The following GRHL2 variants were observed in gnomAD, a reference collection of about 807,000 sequenced individuals.
The protein encoded by GRHL2 is grainyhead like transcription factor 2, also known as grainyhead-like protein 2 homolog.
A neutral mutation model predicts 83.8 loss-of-function variants in GRHL2; 21 were observed. The ratio of observed to expected loss-of-function variants is 0.25; its 90% CI spans 0.18 to 0.36. The LOEUF is 0.36. Among genes scored for constraint, GRHL2 ranks in the 10% least tolerant of loss-of-function variants. The probability of loss-of-function intolerance (pLI) is 1.00; values close to 1 mark genes in which losing one functional copy is unlikely to be tolerated. For synonymous variants in GRHL2, 280 were observed against 278.9 expected, an observed-to-expected ratio of 1.00 and a Z score of -0.04; for missense variants, 623 against 781.8, an observed-to-expected ratio of 0.80 and a Z score of 2.42.
intron 1 of GRHL2, among the ~76,000 whole-genome samples, chr8:101,516,019 G>A (rs1290946674): frequency 6.6e-6 from 1 of 152,168 alleles, no homozygotes; most frequent in Non-Finnish European, 1.5e-5. Flanking sequence ...AGGCAGCAGA[G>A]ATGGAACTTG....
chr8:101,616,088 CTCTTTCTTTCT>C (rs1812849812), intron 8 of GRHL2, among the ~76,000 whole-genome samples: 2 of 139,396 alleles, frequency 1.4e-5, no homozygotes, highest in African/African-American at 5.2e-5. Flanking sequence ...CCCTCCCTTT[CTCTTTCTTTCT>C]TCTTTCTTTC....
chr8:101,580,056 T>C (rs936649838), intron 7 of GRHL2, among the ~76,000 whole-genome samples: 30 of 152,198 alleles, frequency 2.0e-4, no homozygotes, highest in Admixed American at 7.2e-4. Context: ...AATTCCCAAA[T>C]CTCCACCAGC....
intron 4 of GRHL2, among the ~76,000 whole-genome samples, chr8:101,568,819 G>A (rs1811767592): frequency 6.6e-6 from 1 of 152,084 alleles, no homozygotes; most frequent in African/African-American, 2.4e-5. Context: ...AATTATTTGG[G>A]CAATGTTCCT....
At chr8:101,565,554 A>G (rs1811700366) in intron 4 of GRHL2, among the ~76,000 whole-genome samples, 2 of 152,114 alleles carry the variant, frequency 1.3e-5, no homozygotes, top group African/African-American at 2.4e-5. Context: ...TATCATCTCT[A>G]TGTGTGGTTT....
At chr8:101,564,812 C>CAAAAA (rs3035637) in intron 4 of GRHL2, among the ~76,000 whole-genome samples, 2 of 109,758 alleles carry the variant, frequency 1.8e-5, no homozygotes, top group African/African-American at 7.2e-5. Flanking sequence ...GCCCTGTCTC[C>CAAAAA]AAAAAAAAAA....
intron 12 of GRHL2, among the ~76,000 whole-genome samples, chr8:101,641,587 C>T (rs750865815): frequency 6.6e-6 from 1 of 152,136 alleles, no homozygotes; most frequent in Non-Finnish European, 1.5e-5. Flanking sequence ...CTTAGCACTA[C>T]CTTTATACCT....
chr8:101,571,691 A>G (rs1811828291), intron 5 of GRHL2, among the ~76,000 whole-genome samples: 1 of 152,068 alleles, frequency 6.6e-6, no homozygotes, highest in African/African-American at 2.4e-5. Flanking sequence ...GCTTTTACAC[A>G]TATGGCCCTT....
intron 1 of GRHL2, among the ~76,000 whole-genome samples, chr8:101,537,899 T>C (rs1357570813): frequency 1.3e-5 from 2 of 152,250 alleles, no homozygotes; most frequent in Admixed American, 6.5e-5. Context: ...TTTTTTCCTT[T>C]GTTATTTTCT....
At chr8:101,673,651 G>T (rs1415631398), downstream of GRHL2, among the ~76,000 whole-genome samples, 1 of 151,868 alleles carries the variant, frequency 6.6e-6, no homozygotes, top group Non-Finnish European at 1.5e-5. Flanking sequence ...AGATCAACAA[G>T]ACAGAAAGTT....
At chr8:101,560,785 C>G (rs1310496531) in intron 4 of GRHL2, among the ~76,000 whole-genome samples, 1 of 151,950 alleles carries the variant, frequency 6.6e-6, no homozygotes, top group Non-Finnish European at 1.5e-5. Flanking sequence ...CTTATTTGGC[C>G]CTTCCTATAA....
At chr8:101,592,100 C>CTT (rs11382067) in intron 7 of GRHL2, among the ~76,000 whole-genome samples, 4,043 of 90,166 alleles carry the variant, frequency 0.045, 339 homozygotes, top group South Asian at 0.097. Flanking sequence ...TCTTTCTTTT[C>CTT]TTTTTTTTTT....
intron 7 of GRHL2, among the ~76,000 whole-genome samples, chr8:101,589,617 C>T (rs371936238): frequency 1.3e-5 from 2 of 152,284 alleles, no homozygotes; most frequent in African/African-American, 4.8e-5. Flanking sequence ...TATATAATTC[C>T]TTCTCCACAA....
chr8:101,602,563 C>CT (rs1209763958), intron 8 of GRHL2, among the ~76,000 whole-genome samples: 1 of 151,982 alleles, frequency 6.6e-6, no homozygotes, highest in Admixed American at 6.6e-5. Context: ...AGAATTTTAA[C>CT]TTTTTTTTGC....
rs547392915 is a variant in GRHL2 at position 101,585,124 on chromosome 8, A to T, written c.1003+7605A>T. ...TCACGTAGTGTGAATTTGTGGCCCA[A>T]ACAGGCCTGGGAGACAAGAGCACCA... On this transcript the variant is annotated intron_variant, in intron 7 of 15. Transcript: ENST00000646743. 3.3e-5 allele frequency among the ~76,000 whole-genome samples: 5 copies of T among 152,340 alleles called. No homozygotes were observed. In the East Asian group the frequency reaches 9.6e-4, roughly 29 times the overall value.
chr8:101,503,206 T>C (rs1477333647), intron 1 of GRHL2, among the ~76,000 whole-genome samples: 1 of 152,234 alleles, frequency 6.6e-6, no homozygotes, highest in African/African-American at 2.4e-5. Flanking sequence ...ATGTTTCCTC[T>C]GCAAACTAGG....
Position 101,573,768 on chromosome 8 carries a change from A to G in GRHL2, c.835A>G (p.Thr279Ala). The change falls in exon 6 of 16, where the codon ACA becomes GCA. Residue 279 changes from threonine to alanine, a missense_variant. Physicochemically the swap from Thr to Ala is moderately conservative, Grantham distance 58. Coordinates refer to ENST00000646743, the MANE Select transcript of GRHL2 (RefSeq NM_024915.4). ...YLNKGQFYAI[T>A]LSETGDNKCF... ...CAACAAAGGACAGTTCTATGCCATA[A>G]CACTCAGCGAGACCGGAGACAACAA... The G allele has an allele frequency of 6.2e-7, 1 of 1,614,220 alleles. No homozygotes were observed.
chr8:101,499,746 C>T (rs1337492070), intron 1 of GRHL2, among the ~76,000 whole-genome samples: 4 of 152,180 alleles, frequency 2.6e-5, no homozygotes, highest in Admixed American at 2.6e-4. Context: ...TACTCTCTTC[C>T]TTTTAAAGAG....
chr8:101,655,773 G>T (rs1450762335), intron 14 of GRHL2, among the ~76,000 whole-genome samples: 1 of 152,166 alleles, frequency 6.6e-6, no homozygotes, highest in Non-Finnish European at 1.5e-5. Context: ...TTATAATTAG[G>T]TTTTAAACTG....
chr8:101,671,291 G>A (rs538904272), downstream of GRHL2, among the ~76,000 whole-genome samples: 11 of 152,166 alleles, frequency 7.2e-5, no homozygotes, highest in African/African-American at 1.4e-4. Flanking sequence ...GGTGACAGAC[G>A]GCACCTGGAA....
Sources: allele counts gnomAD v4.1 joint callset (sites outside exome capture counted in the v4.1 genomes callset), GRCh38; gene constraint gnomAD v4.1.1; transcripts MANE v1.5; gene names NCBI Gene and HGNC (gene_info 2026-07-23, HGNC 2026-07-21).